The following GRID2 variants were observed in gnomAD, a reference collection of about 807,000 sequenced individuals.
GRID2 encodes the protein glutamate ionotropic receptor delta type subunit 2.
A neutral mutation model predicts 114.8 loss-of-function variants in GRID2; 33 were observed. The observed-to-expected ratio is 0.29, with a 90% CI of 0.22 to 0.38. The LOEUF (loss-of-function observed/expected upper bound fraction) is 0.38. Among genes scored for constraint, GRID2 ranks in the 10% least tolerant of loss-of-function variants. The pLI, the probability that GRID2 is intolerant of heterozygous loss-of-function variation, is 1.00. For missense variants in GRID2, 1,184 were observed against 1,257.7 expected, an observed-to-expected ratio of 0.94 and a Z score of 0.89; for synonymous variants, 505 against 449.9, an observed-to-expected ratio of 1.12 and a Z score of -1.55.
At chr4:92,877,769 C>T (rs574320528) in intron 2 of GRID2, among the ~76,000 whole-genome samples, 1 of 152,184 alleles carries the variant, frequency 6.6e-6, no homozygotes, top group Admixed American at 6.5e-5. Context: ...TTATGCCACA[C>T]CTTTAGGGAC....
intron 2 of GRID2, among the ~76,000 whole-genome samples, chr4:92,971,913 C>T (rs917406237): frequency 2.0e-5 from 3 of 151,970 alleles, no homozygotes; most frequent in African/African-American, 7.2e-5. Flanking sequence ...GTATATGTAC[C>T]ACATTCTCTT....
intron 2 of GRID2, among the ~76,000 whole-genome samples, chr4:93,063,287 T>A (rs6811974): frequency 6.6e-6 from 1 of 151,624 alleles, no homozygotes; most frequent in Non-Finnish European, 1.5e-5. Flanking sequence ...ATTCTGTATA[T>A]GAAGGATTCT....
At chr4:93,753,973 GA>G (rs1732541563) in intron 14 of GRID2, among the ~76,000 whole-genome samples, 1 of 152,160 alleles carries the variant, frequency 6.6e-6, no homozygotes, top group Non-Finnish European at 1.5e-5. Flanking sequence ...ATTGTTTTAT[GA>G]ACATCGCAGA....
intron 4 of GRID2, among the ~76,000 whole-genome samples, chr4:93,168,432 C>T (rs1738470393): frequency 1.3e-5 from 2 of 151,750 alleles, no homozygotes; most frequent in African/African-American, 4.8e-5. Context: ...GAAAGCAGCT[C>T]AAAAATGTGT....
At chr4:92,442,120 C>T (rs548399034) in intron 1 of GRID2, among the ~76,000 whole-genome samples, 1 of 129,874 alleles carries the variant, frequency 7.7e-6, no homozygotes, top group South Asian at 2.8e-4. Flanking sequence ...TGGGTGCCTC[C>T]ATATTGATTA....
In GRID2 at chr4:93,173,169, G is replaced by A. The variant is rs572407188; in HGVS notation, c.736-34235G>A. Reference sequence around the variant, plus strand: ...GATGAATTGATTTTCTTAATGTGCTGTGCTTAAGAAACTAGTTAGAAAATT... The same window carrying A: ...GATGAATTGATTTTCTTAATGTGCTATGCTTAAGAAACTAGTTAGAAAATT... On this transcript the variant is annotated intron_variant, in intron 4 of 15. Coordinates refer to ENST00000282020, the MANE Select transcript of GRID2 (RefSeq NM_001510.4). Among the ~76,000 whole-genome samples, 17 of 152,124 alleles carry A rather than the reference G, an allele frequency of 1.1e-4. No homozygotes were observed. In the South Asian group the frequency reaches 3.3e-3, roughly 30 times the overall value.
intron 2 of GRID2, among the ~76,000 whole-genome samples, chr4:93,019,815 G>C (rs11945434): frequency 0.08 from 12,211 of 152,070 alleles, 691 homozygotes; most frequent in African/African-American, 0.15. Context: ...ATATTAAAGG[G>C]TAACACATTG....
intron 2 of GRID2, among the ~76,000 whole-genome samples, chr4:92,924,682 C>T (rs935755102): frequency 4.6e-5 from 7 of 152,162 alleles, no homozygotes; most frequent in African/African-American, 1.7e-4. Context: ...AACAAAAACA[C>T]AGCATGACAA....
chr4:92,753,394 G>A (rs751370848), intron 2 of GRID2, among the ~76,000 whole-genome samples: 13 of 152,268 alleles, frequency 8.5e-5, no homozygotes, highest in Non-Finnish European at 1.6e-4. Flanking sequence ...GGGGATGAGT[G>A]TAATAGAAAA....
intron 2 of GRID2, among the ~76,000 whole-genome samples, chr4:92,942,032 G>T (rs1751182796): frequency 6.6e-6 from 1 of 152,132 alleles, no homozygotes; most frequent in African/African-American, 2.4e-5. Context: ...GTCCTGAGAA[G>T]AATGTCTATT....
chr4:92,912,647 T>C (rs1748476558), intron 2 of GRID2, among the ~76,000 whole-genome samples: 1 of 151,922 alleles, frequency 6.6e-6, no homozygotes, highest in Non-Finnish European at 1.5e-5. Context: ...AACATTATTC[T>C]GATTTTTAAA....
intron 14 of GRID2, among the ~76,000 whole-genome samples, chr4:93,682,022 A>G (rs1560900569): frequency 6.6e-6 from 1 of 151,602 alleles, no homozygotes; most frequent in African/African-American, 2.4e-5. Context: ...AATTTTCACA[A>G]CCTACTCATC....
intron 14 of GRID2, among the ~76,000 whole-genome samples, chr4:93,667,980 T>A (rs1164978532): frequency 6.6e-6 from 1 of 152,044 alleles, no homozygotes; most frequent in Non-Finnish European, 1.5e-5. Flanking sequence ...AATGTAATGA[T>A]GTTTTTCACC....
chr4:93,427,740 T>C (rs1455899126), intron 10 of GRID2, among the ~76,000 whole-genome samples: 1 of 152,056 alleles, frequency 6.6e-6, no homozygotes, highest in East Asian at 1.9e-4. Context: ...GATGTACATA[T>C]GGAGTCTATT....
At chr4:92,605,947 T>C (rs1017624049) in intron 2 of GRID2, among the ~76,000 whole-genome samples, 3 of 152,124 alleles carry the variant, frequency 2.0e-5, no homozygotes, top group African/African-American at 7.2e-5. Flanking sequence ...GGACCCTTTT[T>C]AGATTTTAAA....
intron 1 of GRID2, among the ~76,000 whole-genome samples, chr4:92,560,105 T>G (rs7689379): frequency 0.41 from 61,732 of 152,040 alleles, 12,697 homozygotes; most frequent in African/African-American, 0.48. Context: ...ATGAGGGACA[T>G]ATCTCCTCCA....
intron 2 of GRID2, among the ~76,000 whole-genome samples, chr4:92,860,340 G>A (rs1744448891): frequency 1.3e-5 from 2 of 152,076 alleles, no homozygotes; most frequent in Non-Finnish European, 2.9e-5. Context: ...TACTCGAGAT[G>A]TTGGTCTATG....
intron 7 of GRID2, among the ~76,000 whole-genome samples, chr4:93,229,281 C>T (rs1485908271): frequency 6.6e-6 from 1 of 152,164 alleles, no homozygotes; most frequent in East Asian, 1.9e-4. Flanking sequence ...CACATAGAGA[C>T]TCCCAAGAAG....
At chr4:92,708,618 G>A (rs1427952843) in intron 2 of GRID2, among the ~76,000 whole-genome samples, 8 of 152,054 alleles carry the variant, frequency 5.3e-5, no homozygotes, top group Admixed American at 5.2e-4. Context: ...CACCATATTG[G>A]TATTGGTTCT....
Sources: gnomAD v4.1 joint callset for allele counts (sites outside exome capture counted in the v4.1 genomes callset) on GRCh38, gnomAD v4.1.1 for gene constraint, MANE v1.5 for transcripts, NCBI Gene and HGNC (gene_info 2026-07-23, HGNC 2026-07-21) for gene names.